The following POTEC variants were observed in gnomAD, a reference collection of about 807,000 sequenced individuals.
The protein encoded by POTEC is ANKRD26-like family B member 2.
POTEC carries 35 observed loss-of-function variants against 62.0 expected under a neutral mutation model. That is an observed-to-expected ratio of 0.56 (90% CI 0.43 to 0.75). POTEC has a LOEUF of 0.75. POTEC is among the 30% of genes least tolerant of loss of function. The probability of loss-of-function intolerance (pLI) is 0.00; values close to 1 mark genes in which losing one functional copy is unlikely to be tolerated. For synonymous variants in POTEC, 156 were observed against 221.5 expected, an observed-to-expected ratio of 0.70 and a Z score of 2.62; for missense variants, 472 against 655.9, an observed-to-expected ratio of 0.72 and a Z score of 3.06.
At chr18:14,512,117 T>C in intron 10 of POTEC, 124 bp from the exon 11 acceptor site, 1 of 756,536 alleles carries the variant, frequency 1.3e-6, no homozygotes, top group Non-Finnish European at 2.0e-6. Flanking sequence ...GATATTTAAC[T>C]GGAAAAAAGT....
At chr18:14,518,238 T>C (rs529221052) in intron 9 of POTEC, among the ~76,000 whole-genome samples, 5 of 151,894 alleles carry the variant, frequency 3.3e-5, no homozygotes, top group Non-Finnish European at 5.9e-5. Flanking sequence ...ACCCTATTCA[T>C]GAGAGTGAGA....
intron 9 of POTEC, among the ~76,000 whole-genome samples, chr18:14,520,399 C>A (rs1316009577): frequency 1.3e-5 from 2 of 150,840 alleles, no homozygotes; most frequent in African/African-American, 4.9e-5. Flanking sequence ...CCAAGAAAAA[C>A]TAAAAGCTTC....
chr18:14,533,268 C>T, intron 4 of POTEC, 70 bp from the exon 5 acceptor site: 2 of 1,570,834 alleles, frequency 1.3e-6, no homozygotes, highest in African/African-American at 1.4e-5. Context: ...ATTTGATATA[C>T]TTTACCAATT....
rs572775571 is a variant in POTEC at position 14,524,865 on chromosome 18, A to C, written c.1197+48T>G. ...TTGGACTATCTAATATCGTTAAAGC[A>C]AAGAAAACAACATTAAATCAAAAAT... On this transcript the variant is annotated intron_variant, in intron 7 of 10. Transcript: ENST00000358970. 270 of 1,592,220 alleles carry C rather than the reference A, an allele frequency of 1.7e-4. 3 individuals carry two copies. The South Asian group carries it at 2.2e-3, about 13-fold the overall frequency.
chr18:14,540,719 G>A (rs987179793), intron 1 of POTEC, among the ~76,000 whole-genome samples: 6 of 152,096 alleles, frequency 3.9e-5, no homozygotes, highest in African/African-American at 4.8e-5. Flanking sequence ...GGAATAGATG[G>A]GTAAAAGGCA....
intron 7 of POTEC, among the ~76,000 whole-genome samples, chr18:14,524,437 C>T (rs1017316806): frequency 3.3e-5 from 5 of 152,078 alleles, no homozygotes; most frequent in Admixed American, 2.0e-4. Flanking sequence ...ACCATGAATC[C>T]AGCTCAGGGA....
intron 9 of POTEC, among the ~76,000 whole-genome samples, chr18:14,517,728 G>A (rs1910203126): frequency 6.6e-6 from 1 of 152,122 alleles, no homozygotes; most frequent in African/African-American, 2.4e-5. Context: ...CGGGCATGGT[G>A]GCATGCCCCC....
rs1245275060 is a variant in POTEC, at chr18:14,525,100, T to C, written c.1127-117A>G. On this transcript the variant is annotated intron_variant, in intron 6 of 10. Coordinates refer to ENST00000358970, the MANE Select transcript of POTEC (RefSeq NM_001137671.2). ...TATTTTATTTCATAAATTGAGTGTT[T>C]AGTCTTTCATGAAATAGTTACTTAG... The C allele has an allele frequency of 1.1e-5, 16 of 1,445,028 alleles. No individual in the cohort carries two copies. The Admixed American group carries it at 1.4e-4, about 13-fold the overall frequency. 89.5% of individuals were successfully genotyped at this position (1,445,028 alleles called of 1,614,324 possible).
intron 9 of POTEC, among the ~76,000 whole-genome samples, chr18:14,521,872 G>C (rs1286501737): frequency 1.3e-5 from 2 of 152,146 alleles, no homozygotes; most frequent in Non-Finnish European, 2.9e-5. Context: ...AGTGTGGCAG[G>C]AGGGAGACGA....
intron 9 of POTEC, among the ~76,000 whole-genome samples, chr18:14,515,673 T>TA (rs1015754290): frequency 2.5e-4 from 38 of 150,980 alleles, no homozygotes. Flanking sequence ...AATAAATAAA[T>TA]AAATACCTAA....
intron 9 of POTEC, among the ~76,000 whole-genome samples, chr18:14,516,307 T>A (rs1189789960): frequency 2.5e-5 from 1 of 39,336 alleles, no homozygotes; most frequent in Non-Finnish European, 4.7e-5. Context: ...TTTATATATA[T>A]ATATATATAT....
At chr18:14,537,196 CACACACACACACACA>C (rs1273384024) in intron 3 of POTEC, among the ~76,000 whole-genome samples, 1 of 83,696 alleles carries the variant, frequency 1.2e-5, no homozygotes, top group African/African-American at 7.6e-5. Flanking sequence ...CACACACACA[CACACACACACACACA>C]AAAAAAAAAA....
rs1909955119 is a variant in POTEC at position 14,509,934 on chromosome 18, A to G, written c.*1964T>C. 6.9e-6 allele frequency: 1 copy of G among 145,432 alleles called. No individual in the cohort carries two copies. Among genetic ancestry groups the G allele is most frequent in the Non-Finnish European group, 1.5e-5 (1 of 66,610 alleles). 9.0% of individuals were successfully genotyped at this position (145,432 alleles called of 1,614,324 possible). On this transcript the variant is annotated 3_prime_UTR_variant, in exon 11 of 11. Coordinates refer to ENST00000358970, the MANE Select transcript of POTEC (RefSeq NM_001137671.2). ...TCTGTGCTGGGCAATCTTGCACGTG[A>G]GATGGGGCTGGTCTGACCTCAGCAC...
chr18:14,530,934 C>T (rs1410523470), intron 5 of POTEC, among the ~76,000 whole-genome samples: 4 of 152,034 alleles, frequency 2.6e-5, no homozygotes, highest in Non-Finnish European at 5.9e-5. Flanking sequence ...TGCCTTATTT[C>T]ACTAGGTTGT....
chr18:14,536,443 G>A (rs1905716040), intron 3 of POTEC, among the ~76,000 whole-genome samples: 1 of 151,902 alleles, frequency 6.6e-6, no homozygotes. Flanking sequence ...ATGCTGACCA[G>A]GCTAGACTAG....
rs929162339 is a variant in POTEC, at chr18:14,507,818, G to T, written c.*4080C>A. 1.3e-5 allele frequency: 2 copies of T among 152,170 alleles called. No homozygotes were observed. The highest frequency in any genetic ancestry group is 4.1e-4 in the South Asian group (2 of 4,830). The allele number at this position is 152,170 out of a possible 1,614,324, so 9.4% of individuals were successfully genotyped here. A position where few individuals can be genotyped will look rare whatever the true frequency, so the allele number is the denominator to read the frequency against. On this transcript the variant is annotated 3_prime_UTR_variant, in exon 11 of 11. Transcript: ENST00000358970. ...CATTTGCTTGTCTGAAAACGATCTT[G>T]TTTCTCCTTCACTTATGATGCTTAA...
intron 1 of POTEC, among the ~76,000 whole-genome samples, chr18:14,540,169 A>G (rs2143170397): frequency 6.6e-6 from 1 of 152,230 alleles, no homozygotes; most frequent in Non-Finnish European, 1.5e-5. Flanking sequence ...ATACAATAAA[A>G]TCTACCAGAA....
chr18:14,516,784 C>A (rs76873340), intron 9 of POTEC, among the ~76,000 whole-genome samples: 1 of 151,810 alleles, frequency 6.6e-6, no homozygotes, highest in Admixed American at 6.6e-5. Flanking sequence ...ATTTTCTTCA[C>A]TTTTAGCCTA....
chr18:14,516,338 C>CTATATATATATATATA (rs1567910128), intron 9 of POTEC, among the ~76,000 whole-genome samples: 1 of 30,238 alleles, frequency 3.3e-5, no homozygotes, highest in Non-Finnish European at 6.2e-5. Flanking sequence ...ATATATATAC[C>CTATATATATATATATA]TATACCTGAG....
Sources: gnomAD v4.1 joint callset for allele counts (sites outside exome capture counted in the v4.1 genomes callset) on GRCh38, gnomAD v4.1.1 for gene constraint, MANE v1.5 for transcripts, NCBI Gene and HGNC (gene_info 2026-07-23, HGNC 2026-07-21) for gene names.